The following VPS33A variants were observed in gnomAD, a reference collection of about 807,000 sequenced individuals.
The protein encoded by VPS33A is VPS33A core subunit of CORVET and HOPS complexes.
Under a neutral mutation model 71.8 loss-of-function variants are expected in VPS33A, and 32 were observed. The observed-to-expected ratio is 0.45, with a 90% confidence interval of 0.34 to 0.60. The LOEUF (loss-of-function observed/expected upper bound fraction) is 0.60. VPS33A is among the 20% of genes least tolerant of loss of function. The pLI, the probability that VPS33A is intolerant of heterozygous loss-of-function variation, is 0.02. For synonymous variants in VPS33A, 311 were observed against 292.7 expected (o/e 1.06, Z -0.64); for missense variants, 625 against 748.5 (o/e 0.84, Z 1.92).
At chr12:122,256,726 A>G (rs1954923875) in intron 4 of VPS33A, among the ~76,000 whole-genome samples, 1 of 152,200 alleles carries the variant, frequency 6.6e-6, no homozygotes, top group Non-Finnish European at 1.5e-5. Context: ...AAGCAATGTC[A>G]AAAGAAATGA....
chr12:122,266,242 G>C, intron 1 of VPS33A, 65 bp downstream of exon 1: 1 of 1,577,466 alleles, frequency 6.3e-7, no homozygotes, highest in Non-Finnish European at 8.6e-7. Flanking sequence ...AGGCGGTCAG[G>C]GAACGGATTA....
intron 8 of VPS33A, 113 bp downstream of exon 8, chr12:122,242,269 T>G (rs1337924373): frequency 4.6e-6 from 6 of 1,316,240 alleles, no homozygotes; most frequent in African/African-American, 1.5e-5. Flanking sequence ...ACACGTGGTA[T>G]TAAGACAGAG....
At chr12:122,266,040 C>T (rs1210036400) in intron 1 of VPS33A, among the ~76,000 whole-genome samples, 2 of 152,220 alleles carry the variant, frequency 1.3e-5, no homozygotes, top group Non-Finnish European at 2.9e-5. Flanking sequence ...CTGACGTAAA[C>T]CAGCTCATCA....
chr12:122,238,770 T>TACACACAC lies in VPS33A; in HGVS notation c.1165-54_1165-47dup, dbSNP rs57522920. On this transcript the variant is annotated intron_variant, in intron 9 of 12. Coordinates refer to ENST00000267199, the MANE Select transcript of VPS33A (RefSeq NM_022916.6). ...ATATACATATACATTTACATATACATACACACACACACACACACACACACA... is the reference window on the plus strand; with the variant it reads ...ATATACATATACATTTACATATACATACACACACACACACACACACACACACACACACA... The TACACACAC allele has an allele frequency of 9.0e-3, 7,865 of 872,060 alleles. 64 individuals are homozygous for TACACACAC. The highest frequency in any genetic ancestry group is 0.038 in the African/African-American group (1,960 of 51,428). 54.0% of individuals were successfully genotyped at this position (872,060 alleles called of 1,614,324 possible).
chr12:122,236,769 C>T (rs1466282035), intron 10 of VPS33A, among the ~76,000 whole-genome samples: 1 of 152,252 alleles, frequency 6.6e-6, no homozygotes, highest in African/African-American at 2.4e-5. Context: ...GGTATCATTA[C>T]CTTCATTTTA....
Position 122,242,523 on chromosome 12 carries a change from A to C in VPS33A, c.970-15T>G, listed in dbSNP as rs1231033262. On this transcript the variant is annotated splice_polypyrimidine_tract_variant and intron_variant, in intron 7 of 12. Transcript: ENST00000267199. ...TTGTGTCTTTCCTGAAATAAACAAG[A>C]GAGCAGTGCCTCAAGCAGGGAAGAT... 6.3e-7 allele frequency: 1 copy of C among 1,598,630 alleles called. No individual in the cohort carries two copies. Among genetic ancestry groups the C allele is most frequent in the Non-Finnish European group, 8.6e-7 (1 of 1,168,268 alleles).
intron 3 of VPS33A, 144 bp from the exon 4 acceptor site, chr12:122,261,591 G>A (rs1438051959): frequency 7.9e-6 from 6 of 762,282 alleles, no homozygotes; most frequent in Non-Finnish European, 1.2e-5. Context: ...CTCTCAGGCC[G>A]GGTGCAGTGG....
intron 5 of VPS33A, 55 bp downstream of exon 5, chr12:122,250,928 C>A: frequency 7.7e-7 from 1 of 1,296,740 alleles, no homozygotes; most frequent in Non-Finnish European, 1.1e-6. Flanking sequence ...CGTTCCTCCT[C>A]CCTTTTGGGG....
chr12:122,245,228 C>T (rs576367022), intron 6 of VPS33A, among the ~76,000 whole-genome samples: 4 of 152,126 alleles, frequency 2.6e-5, no homozygotes, highest in South Asian at 4.2e-4. Flanking sequence ...GCTTATCACA[C>T]GCTGTTAGAG....
Position 122,260,953 on chromosome 12 carries a change from C to T in VPS33A, c.483+308G>A, listed in dbSNP as rs976453755. ...TCGCGCCACTGCGCTCCAGCCCGGG[C>T]GACAGAGCGAGACTCCGTCTCAAAA... On this transcript the variant is annotated intron_variant, in intron 4 of 12. Coordinates refer to ENST00000267199, the MANE Select transcript of VPS33A (RefSeq NM_022916.6). Among the ~76,000 whole-genome samples the T allele has an allele frequency of 5.3e-5, 8 of 152,142 alleles. No individual in the cohort carries two copies. In the East Asian group the frequency reaches 5.8e-4, roughly 11 times the overall value.
At chr12:122,265,631 T>C (rs1401341984) in intron 1 of VPS33A, 4 of 398,196 alleles carry the variant, frequency 1.0e-5, no homozygotes, top group Non-Finnish European at 2.1e-5. Flanking sequence ...TAGCACCCAC[T>C]TTACCTCTTG....
rs200158890 is a variant in VPS33A at position 122,232,254 on chromosome 12, G to A, written c.1783C>T (p.Pro595Ser). 6.2e-7 allele frequency: 1 copy of A among 1,611,002 alleles called. No homozygotes were observed. Among genetic ancestry groups the A allele is most frequent in the Non-Finnish European group, 8.5e-7 (1 of 1,178,800 alleles). The change falls in exon 13 of 13, where the codon CCT becomes TCT. Residue 595 changes from proline (P) to serine (S), a missense_variant. Pro to Ser is a moderately conservative substitution (Grantham distance 74). Coordinates refer to ENST00000267199, the MANE Select transcript of VPS33A (RefSeq NM_022916.6). ...AGTCTCCTCTGAACATCCTAGAAAG[G>A]TTTTTCCATCAGAGCCTCTATCCAA... ...TSWIEALMEK[P>S]F
intron 4 of VPS33A, among the ~76,000 whole-genome samples, chr12:122,259,142 A>G (rs1046526381): frequency 6.6e-6 from 1 of 151,746 alleles, no homozygotes; most frequent in South Asian, 2.1e-4. Context: ...AGTTACCACA[A>G]CTCAGCAATT....
intron 8 of VPS33A, among the ~76,000 whole-genome samples, chr12:122,241,315 C>T (rs1212962183): frequency 6.6e-6 from 1 of 151,666 alleles, no homozygotes; most frequent in Non-Finnish European, 1.5e-5. Context: ...TTCTTTCTTT[C>T]GTTATTTCGA....
At chr12:122,259,446 C>T (rs1341388320) in intron 4 of VPS33A, among the ~76,000 whole-genome samples, 1 of 152,018 alleles carries the variant, frequency 6.6e-6, no homozygotes, top group Non-Finnish European at 1.5e-5. Context: ...CTTGAACTCC[C>T]AACCTCAAGT....
intron 8 of VPS33A, among the ~76,000 whole-genome samples, chr12:122,240,677 CCTA>C (rs1954702066): frequency 6.6e-6 from 1 of 152,212 alleles, no homozygotes; most frequent in African/African-American, 2.4e-5. Context: ...AAAACAATCT[CCTA>C]CTCAGCTTTT....
intron 4 of VPS33A, among the ~76,000 whole-genome samples, chr12:122,258,046 T>C (rs2033600416): frequency 6.6e-6 from 1 of 152,098 alleles, no homozygotes; most frequent in Admixed American, 6.5e-5. Context: ...CCACCTTGCA[T>C]TACATACAGA....
rs889666404 is a variant in VPS33A, at chr12:122,238,778, C to T, written c.1165-54G>A. ...ATACATTTACATATACATACACACA[C>T]ACACACACACACACACACACACACA... On this transcript the variant is annotated intron_variant, in intron 9 of 12. Coordinates refer to ENST00000267199, the MANE Select transcript of VPS33A (RefSeq NM_022916.6). 15 of 817,344 alleles carry T rather than the reference C, an allele frequency of 1.8e-5. No individual in the cohort carries two copies. In the East Asian group the frequency reaches 3.8e-4, roughly 21 times the overall value. The allele number at this position is 817,344 out of a possible 1,614,324, so 50.6% of individuals were successfully genotyped here. A position where few individuals can be genotyped will look rare whatever the true frequency, so the allele number is the denominator to read the frequency against.
chr12:122,238,015 G>A (rs978751039), intron 10 of VPS33A, among the ~76,000 whole-genome samples: 1 of 150,278 alleles, frequency 6.7e-6, no homozygotes, highest in Admixed American at 6.6e-5. Flanking sequence ...GGCCTCCAGC[G>A]ATCCTCCTGC....
Sources: gnomAD v4.1 joint callset for allele counts (sites outside exome capture counted in the v4.1 genomes callset) on GRCh38, gnomAD v4.1.1 for gene constraint, MANE v1.5 for transcripts, NCBI Gene and HGNC (gene_info 2026-07-23, HGNC 2026-07-21) for gene names.